DAP3: variants seen among roughly 807,000 people sequenced by gnomAD.
DAP3 encodes the protein death associated protein 3.
DAP3 carries 28 observed loss-of-function variants against 51.9 expected under a neutral mutation model. The observed-to-expected ratio is 0.54, with a 90% CI of 0.40 to 0.74. The LOEUF is 0.74. Ranked by LOEUF, DAP3 falls within the 30% of genes least tolerant of loss-of-function variation. The probability of loss-of-function intolerance (pLI) is 0.00; values close to 1 mark genes in which losing one functional copy is unlikely to be tolerated. For missense variants in DAP3, 458 were observed against 483.5 expected (o/e 0.95, Z 0.49); for synonymous variants, 170 against 170.3 (o/e 1.00, Z 0.01).
chr1:155,718,705 A>AAGAT (rs61332895), intron 3 of DAP3, among the ~76,000 whole-genome samples: 32,661 of 140,588 alleles, frequency 0.23, 3,936 homozygotes, highest in East Asian at 0.26. Flanking sequence ...AAAAGAAAGA[A>AAGAT]AGATAGATAG....
At chr1:155,733,701 G>T (rs1251823679) in intron 11 of DAP3, among the ~76,000 whole-genome samples, 1 of 152,066 alleles carries the variant, frequency 6.6e-6, no homozygotes, top group Non-Finnish European at 1.5e-5. Context: ...GCCAGGTGTG[G>T]TGGTGCGTGC....
At chr1:155,736,394 A>T in intron 11 of DAP3, among the ~76,000 whole-genome samples, 1 of 152,186 alleles carries the variant, frequency 6.6e-6, no homozygotes. Flanking sequence ...TCACACAAGT[A>T]GCATCCGCCT....
In DAP3 at chr1:155,725,503, G is replaced by C; in HGVS notation, c.379+13G>C. 6.2e-7 allele frequency: 1 copy of C among 1,601,378 alleles called. No individual in the cohort carries two copies. Among genetic ancestry groups the C allele is most frequent in the Non-Finnish European group, 8.6e-7 (1 of 1,168,504 alleles). The stretch of plus-strand genomic sequence containing the variant: ...CGATATCTTCTGTGTATCCTTTCCT[G>C]CCTGCGTGGACCCTCATGAACCAAT... On this transcript the variant is annotated intron_variant, in intron 5 of 12. Coordinates refer to ENST00000368336, the MANE Select transcript of DAP3 (RefSeq NM_004632.4).
intron 6 of DAP3, chr1:155,727,084 G>A (rs919520043): frequency 2.0e-5 from 3 of 152,164 alleles, no homozygotes; most frequent in African/African-American, 7.3e-5. Flanking sequence ...TACCCATAGA[G>A]CCTTTTACTA....
In DAP3 at chr1:155,738,450, T is replaced by C. The variant is rs1660025507; in HGVS notation, c.*208T>C. The C allele has an allele frequency of 2.3e-6, 1 of 443,298 alleles. No individual in the cohort carries two copies. The allele number at this position is 443,298 out of a possible 1,614,324, so 27.5% of individuals were successfully genotyped here. A position where few individuals can be genotyped will look rare whatever the true frequency, so the allele number is the denominator to read the frequency against. ...AGATATTCCCTTGTTCCTAAAACTT[T>C]ATATCAGTTTATTGGATGTGGTTTT... On this transcript the variant is annotated 3_prime_UTR_variant, in exon 13 of 13. Transcript: ENST00000368336.
At chr1:155,697,497 C>T (rs1474415736) in intron 1 of DAP3, among the ~76,000 whole-genome samples, 2 of 151,954 alleles carry the variant, frequency 1.3e-5, no homozygotes, top group Non-Finnish European at 2.9e-5. Flanking sequence ...CCGGGGGTGA[C>T]ATCACATTTC....
At chr1:155,689,641 C>G (rs1205777288) in intron 1 of DAP3, 4 of 350,422 alleles carry the variant, frequency 1.1e-5, no homozygotes, top group African/African-American at 2.2e-5. Context: ...GGGCTGGGCG[C>G]GGTGGCTCAC....
rs1248631262 is a variant in DAP3, at chr1:155,724,926, C to A, written c.271-456C>A. On this transcript the variant is annotated intron_variant, in intron 4 of 12. Coordinates refer to ENST00000368336, the MANE Select transcript of DAP3 (RefSeq NM_004632.4). ...CCGAGATCGTGCCATTGCACTCCAG[C>A]CTGGGCAACAAGAGTGAAACTCCGT... 3.3e-5 allele frequency among the ~76,000 whole-genome samples: 5 copies of A among 151,016 alleles called. 1 individual carries two copies. Among genetic ancestry groups the A allele is most frequent in the Admixed American group, 3.3e-4 (5 of 15,150 alleles).
intron 2 of DAP3, chr1:155,710,081 C>T (rs1280550469): frequency 4.1e-5 from 15 of 363,380 alleles, no homozygotes; most frequent in Non-Finnish European, 2.0e-5. Context: ...TGGTTATCAT[C>T]CCTTAATGAA....
intron 2 of DAP3, among the ~76,000 whole-genome samples, chr1:155,715,202 C>CAAA (rs113796623): frequency 1.1e-5 from 1 of 89,236 alleles, no homozygotes; most frequent in Admixed American, 1.3e-4. Context: ...GACTCCATCT[C>CAAA]AAAAAAAAAA....
chr1:155,698,733 A>G (rs1305363995), intron 1 of DAP3, among the ~76,000 whole-genome samples: 3 of 152,206 alleles, frequency 2.0e-5, no homozygotes, highest in African/African-American at 4.8e-5. Flanking sequence ...AAACAAATCC[A>G]TAAGATTTTT....
chr1:155,702,163 A>G (rs1304566664), intron 1 of DAP3, among the ~76,000 whole-genome samples: 2 of 147,748 alleles, frequency 1.4e-5, no homozygotes, highest in Non-Finnish European at 3.0e-5. Flanking sequence ...AAAAAAAAAA[A>G]AAAAAAAGAA....
intron 3 of DAP3, among the ~76,000 whole-genome samples, chr1:155,721,107 A>G (rs1657947684): frequency 6.6e-6 from 1 of 151,910 alleles, no homozygotes. Flanking sequence ...AGGCTGAGGC[A>G]GGCAGATCAC....
intron 4 of DAP3, among the ~76,000 whole-genome samples, chr1:155,724,446 CA>C (rs1170961719): frequency 6.6e-6 from 1 of 150,564 alleles, no homozygotes; most frequent in Non-Finnish European, 1.5e-5. Context: ...CCAGCCTGAC[CA>C]ACATGGTGAA....
At chr1:155,690,677 ACT>A (rs1235042390) in intron 1 of DAP3, among the ~76,000 whole-genome samples, 2 of 142,096 alleles carry the variant, frequency 1.4e-5, no homozygotes, top group Admixed American at 6.6e-5. Flanking sequence ...CATTAAGGAA[ACT>A]CTAATGAAAA....
chr1:155,714,326 A>C (rs1357710121), intron 2 of DAP3, among the ~76,000 whole-genome samples: 1 of 152,138 alleles, frequency 6.6e-6, no homozygotes, highest in Non-Finnish European at 1.5e-5. Context: ...TTAGTTCCCA[A>C]CTAGCTGGGA....
intron 11 of DAP3, among the ~76,000 whole-genome samples, chr1:155,732,981 G>A (rs1659398108): frequency 6.6e-6 from 1 of 152,186 alleles, no homozygotes. Context: ...CCGAGATTGC[G>A]CCACTGCACT....
upstream of DAP3, chr1:155,688,372 G>T: frequency 6.5e-7 from 1 of 1,543,336 alleles, no homozygotes; most frequent in Non-Finnish European, 8.8e-7. Flanking sequence ...CCAGAGGGAG[G>T]GAGCTAAGGG....
intron 7 of DAP3, 110 bp from the exon 8 acceptor site, chr1:155,728,927 CAATAG>C: frequency 1.1e-6 from 1 of 936,498 alleles, no homozygotes; most frequent in Admixed American, 2.8e-5. Context: ...AGAACCTGAA[CAATAG>C]ATTAAAATGA....
Sources: allele counts gnomAD v4.1 joint callset (sites outside exome capture counted in the v4.1 genomes callset), GRCh38; gene constraint gnomAD v4.1.1; transcripts MANE v1.5; gene names NCBI Gene and HGNC (gene_info 2026-07-23, HGNC 2026-07-21).